COA1: variants seen among roughly 807,000 people sequenced by gnomAD.
COA1 encodes the protein cytochrome c oxidase assembly factor 1.
A neutral mutation model predicts 16.0 loss-of-function variants in COA1; 13 were observed. The ratio of observed to expected loss-of-function variants is 0.81; its 90% CI spans 0.53 to 1.29. The LOEUF (loss-of-function observed/expected upper bound fraction) is 1.29. COA1 is among the 50% of genes most tolerant of loss of function. The pLI is 0.00. For missense variants in COA1, 179 were observed against 177.0 expected, an observed-to-expected ratio of 1.01 and a Z score of -0.06; for synonymous variants, 65 against 65.7, an observed-to-expected ratio of 0.99 and a Z score of 0.05.
chr7:43,637,612 CAAAG>C (rs1304333485), downstream of COA1, among the ~76,000 whole-genome samples: 3 of 152,268 alleles, frequency 2.0e-5, no homozygotes, highest in Admixed American at 6.5e-5. Context: ...CTGCTATCCT[CAAAG>C]AACAGGAAAG....
chr7:43,618,630 G>A (rs989749087), intron 6 of COA1, among the ~76,000 whole-genome samples: 3 of 152,078 alleles, frequency 2.0e-5, no homozygotes, highest in Admixed American at 6.5e-5. Context: ...TTCAAATTTC[G>A]TGTTTTAAAA....
At chr7:43,682,948 C>A (rs2093835987) in intron 1 of COA1, among the ~76,000 whole-genome samples, 1 of 152,158 alleles carries the variant, frequency 6.6e-6, no homozygotes, top group Non-Finnish European at 1.5e-5. Flanking sequence ...CTCCCAAATT[C>A]TAGTGATCTT....
At chr7:43,625,200 T>C in intron 6 of COA1, 1 of 185,902 alleles carries the variant, frequency 5.4e-6, no homozygotes, top group Non-Finnish European at 1.1e-5. Flanking sequence ...TGTAAATCTC[T>C]TGCATTATTC....
chr7:43,640,717 A>G, intron 4 of COA1, 68 bp from the exon 5 acceptor site: 1 of 1,175,024 alleles, frequency 8.5e-7, no homozygotes, highest in Non-Finnish European at 1.2e-6. Context: ...GAAGATGACA[A>G]AATGATGCTT....
chr7:43,721,783 TA>T (rs559651764), intron 1 of COA1, among the ~76,000 whole-genome samples: 26 of 147,946 alleles, frequency 1.8e-4, no homozygotes, highest in Non-Finnish European at 2.1e-4. Context: ...TACGGTAATT[TA>T]AAAAAAAAAC....
intron 1 of COA1, among the ~76,000 whole-genome samples, chr7:43,678,071 T>A (rs1018584718): frequency 1.3e-5 from 2 of 152,202 alleles, no homozygotes; most frequent in Non-Finnish European, 2.9e-5. Flanking sequence ...TCAAGTTGAT[T>A]TGAAACACTA....
At chr7:43,628,122 G>A in intron 6 of COA1, among the ~76,000 whole-genome samples, 1 of 152,104 alleles carries the variant, frequency 6.6e-6, no homozygotes, top group Non-Finnish European at 1.5e-5. Context: ...AAGTAGCTGG[G>A]ATTACAGGCA....
chr7:43,622,134 A>G (rs1291015734), intron 6 of COA1, among the ~76,000 whole-genome samples: 2 of 152,204 alleles, frequency 1.3e-5, no homozygotes, highest in Non-Finnish European at 2.9e-5. Context: ...AGCTATTGGT[A>G]TTTCCTGTAC....
At chr7:43,659,058 G>A (rs1371351179) in intron 1 of COA1, 2 of 152,252 alleles carry the variant, frequency 1.3e-5, no homozygotes, top group East Asian at 3.8e-4. Context: ...GATTTCTCTA[G>A]AAAGGACAAG....
At chr7:43,623,367 G>A in intron 6 of COA1, 1 of 543,544 alleles carries the variant, frequency 1.8e-6, no homozygotes, top group Non-Finnish European at 3.2e-6. Context: ...AACAATGGTG[G>A]GTAGAAGTGT....
intron 1 of COA1, among the ~76,000 whole-genome samples, chr7:43,688,926 CTTT>C (rs1016990761): frequency 3.3e-5 from 5 of 152,024 alleles, no homozygotes; most frequent in Non-Finnish European, 7.4e-5. Flanking sequence ...AAAATGTAAT[CTTT>C]TTTTTCACAG....
intron 1 of COA1, among the ~76,000 whole-genome samples, chr7:43,700,567 TACAC>T (rs2131360346): frequency 7.0e-6 from 1 of 142,470 alleles, no homozygotes; most frequent in African/African-American, 2.6e-5. Context: ...TATATATATG[TACAC>T]ATATATACGT....
chr7:43,688,695 T>C (rs1379205152), intron 1 of COA1, among the ~76,000 whole-genome samples: 1 of 152,246 alleles, frequency 6.6e-6, no homozygotes, highest in Non-Finnish European at 1.5e-5. Flanking sequence ...TCAGGGGCTC[T>C]TTCCATCTTA....
intron 6 of COA1, chr7:43,631,592 A>G (rs1362871395): frequency 6.6e-6 from 1 of 152,246 alleles, no homozygotes; most frequent in African/African-American, 2.4e-5. Context: ...CATGGTTTCC[A>G]GAGAGAAATC....
At chr7:43,666,167 T>C (rs1219589041) in intron 1 of COA1, among the ~76,000 whole-genome samples, 1 of 152,208 alleles carries the variant, frequency 6.6e-6, no homozygotes, top group Non-Finnish European at 1.5e-5. Context: ...TATATACTTA[T>C]ACTAAAGCTG....
At chr7:43,677,489 T>C (rs1017348598) in intron 1 of COA1, among the ~76,000 whole-genome samples, 8 of 152,204 alleles carry the variant, frequency 5.3e-5, no homozygotes, top group Non-Finnish European at 1.0e-4. Context: ...TCCCATATCC[T>C]TGACAAAAAA....
chr7:43,668,556 A>C (rs1236597479), intron 1 of COA1, among the ~76,000 whole-genome samples: 1 of 152,248 alleles, frequency 6.6e-6, no homozygotes, highest in African/African-American at 2.4e-5. Context: ...TTGTCATTAA[A>C]TCCTAGTCTA....
intron 6 of COA1, chr7:43,625,348 G>A (rs2084390714): frequency 6.6e-6 from 1 of 152,334 alleles, no homozygotes; most frequent in African/African-American, 2.4e-5. Flanking sequence ...ATTCACTAAA[G>A]TTTGATAATG....
At chr7:43,640,844 G>GT (rs2086863613) in intron 4 of COA1, 195 bp from the exon 5 acceptor site, 10 of 517,174 alleles carry the variant, frequency 1.9e-5, no homozygotes, top group Non-Finnish European at 2.7e-5. Flanking sequence ...TGGTTGGCTG[G>GT]TAAGGTCAAT....
Sources: gnomAD v4.1 joint callset for allele counts (sites outside exome capture counted in the v4.1 genomes callset) on GRCh38, gnomAD v4.1.1 for gene constraint, MANE v1.5 for transcripts, NCBI Gene and HGNC (gene_info 2026-07-23, HGNC 2026-07-21) for gene names.